The following MTHFD1 variants were observed in gnomAD, a reference collection of about 807,000 sequenced individuals.
MTHFD1 encodes C-1-tetrahydrofolate synthase, cytoplasmic.
A neutral mutation model predicts 110.3 loss-of-function variants in MTHFD1; 44 were observed. The ratio of observed to expected loss-of-function variants is 0.40; its 90% CI spans 0.31 to 0.51. MTHFD1 has a LOEUF of 0.51. Among genes scored for constraint, MTHFD1 ranks in the 20% least tolerant of loss-of-function variants. MTHFD1 has a pLI of 0.60. For synonymous variants in MTHFD1, 402 were observed against 428.8 expected, an observed-to-expected ratio of 0.94 and a Z score of 0.77; for missense variants, 909 against 1,173.1, an observed-to-expected ratio of 0.77 and a Z score of 3.29.
At position 64,417,937 on chromosome 14, in the gene MTHFD1, A is replaced by G. The variant is rs775056090; in HGVS notation, c.528A>G (p.Ile176Met). ...CTGTGGTGGTTGGGCGCAGTAAAATAGTTGGGGCCCCGATGCATGACTTGC... is the reference window on the plus strand; with the variant it reads ...CTGTGGTGGTTGGGCGCAGTAAAATGGTTGGGGCCCCGATGCATGACTTGC... ...RHAVVVGRSKIVGAPMHDLLL... is the reference protein window; with the variant it reads ...RHAVVVGRSKMVGAPMHDLLL... The change falls in exon 7 of 28, where the codon ATA becomes ATG. Residue 176 changes from isoleucine (I) to methionine (M), a missense_variant. Coordinates refer to ENST00000652337, the MANE Select transcript of MTHFD1 (RefSeq NM_005956.4). This position sits in a 1 kb window ranked among gnomAD's most constrained non-coding sequence, Gnocchi z 4.4. 1 of 1,613,676 alleles carries G rather than the reference A, an allele frequency of 6.2e-7. No homozygotes were observed. Among genetic ancestry groups the G allele is most frequent in the Middle Eastern group, 1.7e-4 (1 of 5,742 alleles).
chr14:64,399,710 C>A (rs2077882524), intron 1 of MTHFD1, among the ~76,000 whole-genome samples: 1 of 151,434 alleles, frequency 6.6e-6, no homozygotes, highest in Non-Finnish European at 1.5e-5. Flanking sequence ...TACTTGAGGC[C>A]TGGAAAATTG....
intron 13 of MTHFD1, among the ~76,000 whole-genome samples, chr14:64,430,547 C>T (rs1188562348): frequency 1.3e-5 from 2 of 152,208 alleles, no homozygotes; most frequent in Non-Finnish European, 2.9e-5. Flanking sequence ...CCGCCCACCT[C>T]GGCCTCCCAA....
chr14:64,423,487 C>T (rs1005537297), intron 8 of MTHFD1, among the ~76,000 whole-genome samples: 1 of 151,636 alleles, frequency 6.6e-6, no homozygotes, highest in Non-Finnish European at 1.5e-5. Context: ...CTCCGCCTCC[C>T]GGGTTCAAGT....
rs1490837671 is a variant in MTHFD1, at chr14:64,441,995, T to C, written c.1885-59T>C. On this transcript the variant is annotated intron_variant, in intron 19 of 27. Transcript: ENST00000652337. ...CAAATCAATTCCATACCGTTGAATG[T>C]GTGATCCCACTTTGAAGCAGGATTG... 9.1e-6 allele frequency: 10 copies of C among 1,095,600 alleles called. No individual in the cohort carries two copies. In the South Asian group the frequency reaches 1.2e-4, roughly 14 times the overall value. The allele number at this position is 1,095,600 out of a possible 1,614,324, so 67.9% of individuals were successfully genotyped here. A position where few individuals can be genotyped will look rare whatever the true frequency, so the allele number is the denominator to read the frequency against.
At chr14:64,422,576 T>C (rs1396781906) in intron 8 of MTHFD1, among the ~76,000 whole-genome samples, 1 of 152,114 alleles carries the variant, frequency 6.6e-6, no homozygotes, top group Admixed American at 6.5e-5. Flanking sequence ...AGTGTTTTAT[T>C]TGGAAGGGTT....
intron 9 of MTHFD1, 82 bp from the exon 10 acceptor site, chr14:64,425,648 C>A: frequency 8.9e-7 from 1 of 1,129,298 alleles, no homozygotes; most frequent in Non-Finnish European, 1.4e-6. Context: ...TGTGATTGAA[C>A]TGGAGTGACC....
intron 21 of MTHFD1, among the ~76,000 whole-genome samples, chr14:64,442,862 G>T (rs2078259398): frequency 6.6e-6 from 1 of 152,068 alleles, no homozygotes; most frequent in South Asian, 2.1e-4. Context: ...GGGGAGAGGA[G>T]AATGGCAGAT....
At chr14:64,426,338 C>T in intron 11 of MTHFD1, 146 bp downstream of exon 11, 3 of 925,176 alleles carry the variant, frequency 3.2e-6, no homozygotes, top group Admixed American at 4.1e-5. Flanking sequence ...TTGATCCTTA[C>T]AGCAATCCTG....
In MTHFD1 at chr14:64,453,824, C is replaced by T; in HGVS notation, c.2528C>T (p.Pro843Leu). The part of the protein sequence containing the change: ...IYGADDIELL[P>L]EAQHKAEVYT... ...GGAGCAGATGACATTGAATTACTTC[C>T]CGAAGCTCAACACAAAGCTGAAGTC... Residue 843 changes from proline (P) to leucine (L), a missense_variant, in exon 25 of 28, where the codon CCC (proline) becomes CTC (leucine). This residue lies in a region of MTHFD1 where 482 missense variants were observed against 646.0 expected (regional missense o/e 0.75). Coordinates refer to ENST00000652337, the MANE Select transcript of MTHFD1 (RefSeq NM_005956.4). 6.2e-7 allele frequency: 1 copy of T among 1,612,454 alleles called. No homozygotes were observed. The highest frequency in any genetic ancestry group is 8.5e-7 in the Non-Finnish European group (1 of 1,178,620).
At chr14:64,434,948 TC>T (rs796090862) in intron 15 of MTHFD1, among the ~76,000 whole-genome samples, 2 of 121,666 alleles carry the variant, frequency 1.6e-5, no homozygotes, top group Non-Finnish European at 1.7e-5. Context: ...CTCCCTCTTT[TC>T]TTTTTTTTTT....
At chr14:64,441,089 G>A (rs887790421) in intron 18 of MTHFD1, 9 of 379,458 alleles carry the variant, frequency 2.4e-5, no homozygotes, top group Admixed American at 1.1e-4. Context: ...CTACTCGGGA[G>A]GCTGAGGCAG....
intron 24 of MTHFD1, among the ~76,000 whole-genome samples, chr14:64,450,454 C>T (rs1046965497): frequency 2.0e-5 from 3 of 152,154 alleles, no homozygotes; most frequent in African/African-American, 7.2e-5. Flanking sequence ...TCATTTTTTC[C>T]ATCACTAAGC....
intron 2 of MTHFD1, among the ~76,000 whole-genome samples, chr14:64,406,611 G>T (rs1306234676): frequency 1.3e-5 from 2 of 149,290 alleles, no homozygotes; most frequent in Non-Finnish European, 3.0e-5. Flanking sequence ...TCCCATCTCA[G>T]CCTCCTGAGT....
At chr14:64,441,850 CCTT>C (rs2078252037) in intron 19 of MTHFD1, 6 of 647,506 alleles carry the variant, frequency 9.3e-6, no homozygotes, top group African/African-American at 5.4e-5. Context: ...GTAGTCAAGA[CCTT>C]CTCCACTTGC....
At chr14:64,440,350 T>C in intron 18 of MTHFD1, 84 bp downstream of exon 18, 2 of 1,489,514 alleles carry the variant, frequency 1.3e-6, no homozygotes, top group Non-Finnish European at 1.9e-6. Flanking sequence ...TAACAAAATG[T>C]AATGCTGTAC....
Position 64,417,876 on chromosome 14 carries a change from CT to C in MTHFD1, c.479-8del. On this transcript the variant is annotated splice_polypyrimidine_tract_variant and intron_variant, in intron 6 of 27. Coordinates refer to ENST00000652337, the MANE Select transcript of MTHFD1 (RefSeq NM_005956.4). The surrounding 1 kb of genome is among the most constrained non-coding windows in gnomAD (Gnocchi z 4.4). The stretch of plus-strand genomic sequence containing the variant: ...ATCCTCCAACTCTGATGCAGGCTGG[CT>C]TTTCTTTCAGGGGTGCCGATTGCCG... 6.2e-7 allele frequency: 1 copy of C among 1,612,276 alleles called. No homozygotes were observed. Among genetic ancestry groups the C allele is most frequent in the African/African-American group, 1.3e-5 (1 of 74,976 alleles).
intron 4 of MTHFD1, among the ~76,000 whole-genome samples, chr14:64,412,734 T>C (rs990605321): frequency 1.3e-5 from 2 of 148,384 alleles, no homozygotes; most frequent in African/African-American, 5.0e-5. Flanking sequence ...GCCTCCCAGG[T>C]TCAAGCAATT....
rs774385177 is a variant in MTHFD1 at position 64,442,334 on chromosome 14, C to T, written c.2068C>T (p.Leu690Phe). The T allele has an allele frequency of 1.1e-5, 17 of 1,614,064 alleles. No homozygotes were observed. The highest frequency in any genetic ancestry group is 1.4e-5 in the Non-Finnish European group (16 of 1,180,002). ...TAACATCAAATGCCGGTATTCCGGC[C>T]TCTGCCCCCACGTGGTGGTGCTTGT... ...FFNIKCRYSG[L>F]CPHVVVLVAT... is the part of the protein sequence containing the mutation. The change falls in exon 21 of 28, where the codon CTC becomes TTC. Residue 690 changes from leucine to phenylalanine, a missense_variant. By Grantham distance (22) the Leu-to-Phe change is conservative. Coordinates refer to ENST00000652337, the MANE Select transcript of MTHFD1 (RefSeq NM_005956.4).
At chr14:64,416,771 G>C (rs1012795417) in intron 6 of MTHFD1, among the ~76,000 whole-genome samples, 2 of 152,132 alleles carry the variant, frequency 1.3e-5, no homozygotes, top group Non-Finnish European at 2.9e-5. Flanking sequence ...GTAGTGCCTT[G>C]CTTAAAAGAA....
Sources: gnomAD v4.1 joint callset for allele counts (sites outside exome capture counted in the v4.1 genomes callset) on GRCh38, gnomAD v4.1.1 for gene constraint, gnomAD v4.1.1 regional missense constraint, Gnocchi (gnomAD v3.1) non-coding constraint, MANE v1.5 for transcripts, NCBI Gene and HGNC (gene_info 2026-07-23, HGNC 2026-07-21) for gene names.